The following NKAIN2 variants were observed in gnomAD, a reference collection of about 807,000 sequenced individuals.
NKAIN2 encodes the protein sodium/potassium transporting ATPase interacting 2.
Under a neutral mutation model 32.6 loss-of-function variants are expected in NKAIN2, and 14 were observed. The ratio of observed to expected loss-of-function variants is 0.43; its 90% CI spans 0.28 to 0.67. NKAIN2 has a LOEUF of 0.67. NKAIN2 is among the 30% of genes least tolerant of loss of function. NKAIN2 has a pLI of 0.17. For missense variants in NKAIN2, 198 were observed against 258.3 expected (o/e 0.77, Z 1.60); for synonymous variants, 80 against 87.2 (o/e 0.92, Z 0.46).
At chr6:124,804,933 G>T (rs529243860) in intron 5 of NKAIN2, among the ~76,000 whole-genome samples, 2 of 152,190 alleles carry the variant, frequency 1.3e-5, no homozygotes, top group Non-Finnish European at 2.9e-5. Flanking sequence ...CGGCAGCGAG[G>T]CTGGGGGAAG....
At chr6:123,856,477 G>A (rs1045557796) in intron 1 of NKAIN2, among the ~76,000 whole-genome samples, 5 of 152,124 alleles carry the variant, frequency 3.3e-5, no homozygotes, top group Non-Finnish European at 7.4e-5. Flanking sequence ...GTAGCCATTG[G>A]CATATAAATG....
chr6:123,899,250 C>T (rs1435078124), intron 1 of NKAIN2, among the ~76,000 whole-genome samples: 1 of 152,212 alleles, frequency 6.6e-6, no homozygotes, highest in Non-Finnish European at 1.5e-5. Flanking sequence ...CAGAGGCTCA[C>T]ACTTGAGCCA....
chr6:123,806,454 A>G (rs977183798), intron 1 of NKAIN2, among the ~76,000 whole-genome samples: 6 of 152,042 alleles, frequency 3.9e-5, no homozygotes, highest in Admixed American at 3.9e-4. Context: ...GATTCTTGGT[A>G]ATTGTTGCTT....
At chr6:123,895,437 C>G (rs929786268) in intron 1 of NKAIN2, among the ~76,000 whole-genome samples, 1 of 152,038 alleles carries the variant, frequency 6.6e-6, no homozygotes, top group Non-Finnish European at 1.5e-5. Flanking sequence ...TGTTTTTTCC[C>G]TTGATATATT....
intron 3 of NKAIN2, among the ~76,000 whole-genome samples, chr6:124,433,854 A>G (rs1378336297): frequency 6.6e-6 from 1 of 152,076 alleles, no homozygotes; most frequent in East Asian, 1.9e-4. Context: ...AAAAATGACC[A>G]CTTGTAAACC....
At chr6:124,710,716 A>G (rs1483492233) in intron 4 of NKAIN2, among the ~76,000 whole-genome samples, 6 of 147,326 alleles carry the variant, frequency 4.1e-5, no homozygotes, top group Non-Finnish European at 1.5e-5. Flanking sequence ...TTTTGAGCCT[A>G]TGTGTGTCTC....
chr6:124,162,709 A>T (rs1788340789), intron 1 of NKAIN2, among the ~76,000 whole-genome samples: 1 of 152,106 alleles, frequency 6.6e-6, no homozygotes, highest in Non-Finnish European at 1.5e-5. Context: ...GAAAGAAGCC[A>T]TCAAAGTGGT....
At chr6:124,712,077 G>A (rs950727029) in intron 4 of NKAIN2, among the ~76,000 whole-genome samples, 58 of 151,752 alleles carry the variant, frequency 3.8e-4, no homozygotes, top group Non-Finnish European at 5.0e-4. Flanking sequence ...ATACCCTGCC[G>A]TGTGAGGTGT....
intron 1 of NKAIN2, among the ~76,000 whole-genome samples, chr6:124,143,642 G>A (rs1399280177): frequency 1.3e-5 from 2 of 152,148 alleles, no homozygotes; most frequent in Non-Finnish European, 2.9e-5. Context: ...AAGGCAGATT[G>A]CCACCACACC....
intron 3 of NKAIN2, among the ~76,000 whole-genome samples, chr6:124,448,217 A>G (rs987070684): frequency 3.9e-5 from 6 of 152,092 alleles, no homozygotes; most frequent in Non-Finnish European, 7.4e-5. Context: ...CTTTAATTCT[A>G]TGATTACTAT....
At position 124,651,336 on chromosome 6, in the gene NKAIN2, C is replaced by T. The variant is rs533061691; in HGVS notation, c.274-6850C>T. On this transcript the variant is annotated intron_variant, in intron 3 of 6. Coordinates refer to ENST00000368417, the MANE Select transcript of NKAIN2 (RefSeq NM_001040214.3). ...TGCAGTTCTGAGGTCTTGGGGATGG[C>T]CCCACTACTGTGGCTCCATCAGACC... Among the ~76,000 whole-genome samples the T allele has an allele frequency of 2.6e-4, 39 of 152,242 alleles. 1 individual carries two copies. The highest frequency in any genetic ancestry group is 7.5e-4 in the African/African-American group (31 of 41,552).
chr6:124,420,507 G>T (rs1004806116), intron 3 of NKAIN2, among the ~76,000 whole-genome samples: 2 of 152,232 alleles, frequency 1.3e-5, no homozygotes, highest in African/African-American at 4.8e-5. Context: ...TAAAGCTATA[G>T]GGTGATTTCT....
intron 3 of NKAIN2, among the ~76,000 whole-genome samples, chr6:124,577,997 T>A (rs1050557890): frequency 6.6e-6 from 1 of 152,144 alleles, no homozygotes; most frequent in Non-Finnish European, 1.5e-5. Context: ...AAGTACTTAG[T>A]CCTGGCAGGA....
At chr6:124,639,047 A>C (rs2114346263) in intron 3 of NKAIN2, among the ~76,000 whole-genome samples, 1 of 152,278 alleles carries the variant, frequency 6.6e-6, no homozygotes, top group South Asian at 2.1e-4. Flanking sequence ...CCACACCCCT[A>C]GTTAGAATGA....
chr6:123,872,433 A>T (rs1455856314), intron 1 of NKAIN2, among the ~76,000 whole-genome samples: 2 of 152,216 alleles, frequency 1.3e-5, no homozygotes, highest in Non-Finnish European at 2.9e-5. Context: ...ATAAATTCCC[A>T]GGCTCCCAGG....
chr6:124,319,676 G>A (rs1797094163), intron 2 of NKAIN2, among the ~76,000 whole-genome samples: 1 of 151,994 alleles, frequency 6.6e-6, no homozygotes, highest in South Asian at 2.1e-4. Context: ...TACATGCTGG[G>A]AAAATAAATA....
At chr6:123,961,509 C>A (rs1777851066) in intron 1 of NKAIN2, among the ~76,000 whole-genome samples, 1 of 152,142 alleles carries the variant, frequency 6.6e-6, no homozygotes, top group African/African-American at 2.4e-5. Flanking sequence ...TAGGCATATG[C>A]AAATACAAAT....
chr6:124,029,597 A>G (rs79359091), intron 1 of NKAIN2, among the ~76,000 whole-genome samples: 1,741 of 152,214 alleles, frequency 0.011, 33 homozygotes, highest in East Asian at 0.059. Flanking sequence ...AACAAAATCA[A>G]CCTTGGTTTA....
intron 1 of NKAIN2, among the ~76,000 whole-genome samples, chr6:124,248,928 A>G (rs142509169): frequency 1.1e-4 from 17 of 152,266 alleles, no homozygotes; most frequent in African/African-American, 3.8e-4. Context: ...AAGCGTAACT[A>G]TCCCATCAGA....
Sources: gnomAD v4.1 joint callset for allele counts (sites outside exome capture counted in the v4.1 genomes callset) on GRCh38, gnomAD v4.1.1 for gene constraint, MANE v1.5 for transcripts, NCBI Gene and HGNC (gene_info 2026-07-23, HGNC 2026-07-21) for gene names.